The following SLC35E3 variants were observed in gnomAD, a reference collection of about 807,000 sequenced individuals.
SLC35E3 encodes the protein solute carrier family 35 member E3.
SLC35E3 carries 28 observed loss-of-function variants against 30.8 expected under a neutral mutation model. The observed-to-expected ratio is 0.91, with a 90% confidence interval of 0.67 to 1.25. SLC35E3 has a LOEUF of 1.25. Ranked by LOEUF, SLC35E3 falls within the 50% of genes most tolerant of loss-of-function variation. SLC35E3 has a pLI of 0.00. For synonymous variants in SLC35E3, 146 were observed against 149.2 expected (o/e 0.98, Z 0.16); for missense variants, 365 against 375.4 (o/e 0.97, Z 0.23).
chr12:68,770,836 C>T lies in SLC35E3; in HGVS notation c.*5946C>T, dbSNP rs1446996718. 6.6e-6 allele frequency: 1 copy of T among 152,356 alleles called. No homozygotes were observed. Among genetic ancestry groups the T allele is most frequent in the African/African-American group, 2.5e-5 (1 of 40,640 alleles). The allele number at this position is 152,356 out of a possible 1,614,324, so 9.4% of individuals were successfully genotyped here. A position where few individuals can be genotyped will look rare whatever the true frequency, so the allele number is the denominator to read the frequency against. On this transcript the variant is annotated 3_prime_UTR_variant, in exon 5 of 5. Coordinates refer to ENST00000398004, the MANE Select transcript of SLC35E3 (RefSeq NM_018656.5). ...GTGACAGAGTGAGTCCCTGTCTCAA[C>T]AACAACAAAAAATCACACATGTCTG...
intron 2 of SLC35E3, 109 bp from the exon 3 acceptor site, chr12:68,751,923 C>A: frequency 9.7e-7 from 1 of 1,026,576 alleles, no homozygotes; most frequent in South Asian, 1.9e-5. Context: ...ATTTTATCTT[C>A]CCCTAGTCTA....
intron 1 of SLC35E3, 131 bp downstream of exon 1, chr12:68,746,910 A>G: frequency 9.7e-7 from 1 of 1,030,840 alleles, no homozygotes; most frequent in Non-Finnish European, 1.4e-6. Flanking sequence ...TGGGCATGTG[A>G]ACTTTTAGGC....
chr12:68,751,547 G>A, intron 2 of SLC35E3, among the ~76,000 whole-genome samples: 1 of 152,110 alleles, frequency 6.6e-6, no homozygotes, highest in South Asian at 2.1e-4. Flanking sequence ...GCCTGCCTTG[G>A]CCTCCCAAAG....
intron 4 of SLC35E3, 28 bp from the exon 5 acceptor site, chr12:68,764,676 C>T: frequency 2.5e-6 from 4 of 1,602,562 alleles, no homozygotes; most frequent in Non-Finnish European, 3.4e-6. Flanking sequence ...TCTTGTTATT[C>T]CTTTTTATCC....
chr12:68,761,862 G>A (rs1181167216), intron 4 of SLC35E3, among the ~76,000 whole-genome samples: 1 of 152,146 alleles, frequency 6.6e-6, no homozygotes, highest in Non-Finnish European at 1.5e-5. Context: ...TTTTTGACCT[G>A]AGCACCTGGT....
intron 3 of SLC35E3, among the ~76,000 whole-genome samples, chr12:68,758,951 G>A (rs933877430): frequency 1.3e-5 from 2 of 151,634 alleles, no homozygotes; most frequent in African/African-American, 4.8e-5. Flanking sequence ...CCATGGTCTC[G>A]ATCTCCTGAC....
In SLC35E3 at chr12:68,752,242, C is replaced by T. The variant is rs1234564082; in HGVS notation, c.672+52C>T. The T allele has an allele frequency of 3.4e-6, 5 of 1,457,544 alleles. No homozygotes were observed. In the East Asian group the frequency reaches 9.3e-5, roughly 27 times the overall value. The allele number at this position is 1,457,544 out of a possible 1,614,324, so 90.3% of individuals were successfully genotyped here. On this transcript the variant is annotated intron_variant, in intron 3 of 4. Coordinates refer to ENST00000398004, the MANE Select transcript of SLC35E3 (RefSeq NM_018656.5). Reference sequence around the variant, plus strand: ...AGAAACAGTATAATAATAACTCCTCCATTATTAATGTAATTTTTAGTTTTC... The same window carrying T: ...AGAAACAGTATAATAATAACTCCTCTATTATTAATGTAATTTTTAGTTTTC...
rs1417721294 is a variant in SLC35E3 at position 68,774,307 on chromosome 12, TA to T, written c.*9418del. The T allele has an allele frequency of 1.3e-5, 2 of 151,966 alleles. No individual in the cohort carries two copies. The highest frequency in any genetic ancestry group is 4.8e-5 in the African/African-American group (2 of 41,326). The allele number at this position is 151,966 out of a possible 1,614,324, so 9.4% of individuals were successfully genotyped here. ...TAAAAATTAGTCAGGTGGCCAGGCG[TA>T]GTGGTTCACACCTGCAATCTCAGCA... On this transcript the variant is annotated 3_prime_UTR_variant, in exon 5 of 5. Transcript: ENST00000398004.
Position 68,777,505 on chromosome 12 carries a change from G to A in SLC35E3, c.*12615G>A, listed in dbSNP as rs187922010. The A allele has an allele frequency of 1.3e-5, 2 of 152,280 alleles. No individual in the cohort carries two copies. Among genetic ancestry groups the A allele is most frequent in the East Asian group, 3.9e-4 (2 of 5,182 alleles). The allele number at this position is 152,280 out of a possible 1,614,324, so 9.4% of individuals were successfully genotyped here. A position where few individuals can be genotyped will look rare whatever the true frequency, so the allele number is the denominator to read the frequency against. ...CTCCTCTCCCCACACTGCACTGTGT[G>A]GCCCCAGAGAGGAAAGACAAGGGCT... On this transcript the variant is annotated 3_prime_UTR_variant, in exon 5 of 5. Transcript: ENST00000398004.
chr12:68,778,849 A>G lies in SLC35E3; in HGVS notation c.*13959A>G, dbSNP rs1190116009. On this transcript the variant is annotated 3_prime_UTR_variant, in exon 5 of 5. Coordinates refer to ENST00000398004, the MANE Select transcript of SLC35E3 (RefSeq NM_018656.5). ...GCTGGATGCAGTGGCTCACGCCTGTAATCCCAGCACTTTGGGAGGCCAAGG... is the reference window on the plus strand; with the variant it reads ...GCTGGATGCAGTGGCTCACGCCTGTGATCCCAGCACTTTGGGAGGCCAAGG... 1 of 152,230 alleles carries G rather than the reference A, an allele frequency of 6.6e-6. No homozygotes were observed. Among genetic ancestry groups the G allele is most frequent in the Non-Finnish European group, 1.5e-5 (1 of 68,144 alleles). 9.4% of individuals were successfully genotyped at this position (152,230 alleles called of 1,614,324 possible). A position where few individuals can be genotyped will look rare whatever the true frequency, so the allele number is the denominator to read the frequency against.
Position 68,764,719 on chromosome 12 carries a change from A to G in SLC35E3, c.771A>G (p.Gly257=). The change falls in exon 5 of 5, where the codon GGA becomes GGG. Residue 257 remains glycine, a synonymous_variant. Transcript: ENST00000398004. ...NTSPVTYNMF[G]HFKFCITLFG... ...AAAACCTCAGCTATAACATGTTCGG[A>G]CACTTCAAGTTCTGCATTACTTTAT... is the stretch of plus-strand genomic sequence containing the variant. 1.2e-6 allele frequency: 2 copies of G among 1,613,838 alleles called. No individual in the cohort carries two copies. The highest frequency in any genetic ancestry group is 1.1e-5 in the South Asian group (1 of 91,010).
At position 68,766,228 on chromosome 12, in the gene SLC35E3, T is replaced by TACA. The variant is rs2136081088; in HGVS notation, c.*1338_*1339insACA. ...GCAGCCAATCTCAGTGGCTCACACC[T>TACA]GTAATCCCAGCACTTTGGAAGGTTG... On this transcript the variant is annotated 3_prime_UTR_variant, in exon 5 of 5. Transcript: ENST00000398004. The TACA allele has an allele frequency of 6.6e-6, 1 of 152,226 alleles. No homozygotes were observed. Among genetic ancestry groups the TACA allele is most frequent in the African/African-American group, 2.4e-5 (1 of 41,546 alleles). The allele number at this position is 152,226 out of a possible 1,614,324, so 9.4% of individuals were successfully genotyped here. A position where few individuals can be genotyped will look rare whatever the true frequency, so the allele number is the denominator to read the frequency against.
chr12:68,764,959 T>A lies in SLC35E3; in HGVS notation c.*69T>A. Reference sequence around the variant, plus strand: ...AAATATTGTTAAGTGTGCAAGTTATTAAAAAAAAAAAATTGGGCCAGGCAC... The same window carrying A: ...AAATATTGTTAAGTGTGCAAGTTATAAAAAAAAAAAAATTGGGCCAGGCAC... On this transcript the variant is annotated 3_prime_UTR_variant, in exon 5 of 5. Transcript: ENST00000398004. 2.5e-6 allele frequency: 3 copies of A among 1,182,166 alleles called. No homozygotes were observed. The highest frequency in any genetic ancestry group is 2.6e-5 in the Admixed American group (1 of 39,062). The allele number at this position is 1,182,166 out of a possible 1,614,324, so 73.2% of individuals were successfully genotyped here. A position where few individuals can be genotyped will look rare whatever the true frequency, so the allele number is the denominator to read the frequency against.
rs1879794354 is a variant in SLC35E3 at position 68,778,215 on chromosome 12, T to A, written c.*13325T>A. 9.2e-5 allele frequency: 14 copies of A among 152,176 alleles called. No individual in the cohort carries two copies. The highest frequency in any genetic ancestry group is 9.2e-4 in the Admixed American group (14 of 15,260). 9.4% of individuals were successfully genotyped at this position (152,176 alleles called of 1,614,324 possible). Reference sequence around the variant, plus strand: ...AAAAGTGTTAATAGGATCAAGATTTTTTTTTTTAAAGAACAATCCACCACA... The same window carrying A: ...AAAAGTGTTAATAGGATCAAGATTTATTTTTTTAAAGAACAATCCACCACA... On this transcript the variant is annotated 3_prime_UTR_variant, in exon 5 of 5. Coordinates refer to ENST00000398004, the MANE Select transcript of SLC35E3 (RefSeq NM_018656.5).
At chr12:68,749,335 A>C (rs967200328) in intron 2 of SLC35E3, among the ~76,000 whole-genome samples, 4 of 152,170 alleles carry the variant, frequency 2.6e-5, no homozygotes, top group African/African-American at 9.7e-5. Flanking sequence ...CTCTTAAAGA[A>C]AGTTGTATCT....
intron 4 of SLC35E3, among the ~76,000 whole-genome samples, chr12:68,763,420 G>A (rs562211463): frequency 2.8e-4 from 42 of 151,372 alleles, no homozygotes; most frequent in South Asian, 6.3e-4. Context: ...ATGGAGTTTC[G>A]CTCTTGTTGC....
In SLC35E3 at chr12:68,769,815, G is replaced by A. The variant is rs943066069; in HGVS notation, c.*4925G>A. The A allele has an allele frequency of 1.3e-5, 2 of 152,176 alleles. No homozygotes were observed. The highest frequency in any genetic ancestry group is 1.5e-5 in the Non-Finnish European group (1 of 68,042). 9.4% of individuals were successfully genotyped at this position (152,176 alleles called of 1,614,324 possible). ...AAAATTTATTGAGCATATACTGTGT[G>A]CCAGGTACTGTCCTAGGCATTATGG... On this transcript the variant is annotated 3_prime_UTR_variant, in exon 5 of 5. Transcript: ENST00000398004.
chr12:68,760,008 G>T (rs994602357), intron 4 of SLC35E3: 1 of 152,182 alleles, frequency 6.6e-6, no homozygotes, highest in Non-Finnish European at 1.5e-5. Flanking sequence ...TTTGGATATG[G>T]GTGTGCCTGT....
chr12:68,770,839 C>T lies in SLC35E3; in HGVS notation c.*5949C>T, dbSNP rs1285555394. 1.3e-5 allele frequency: 2 copies of T among 153,354 alleles called. No individual in the cohort carries two copies. Among genetic ancestry groups the T allele is most frequent in the Non-Finnish European group, 2.9e-5 (2 of 69,542 alleles). 9.5% of individuals were successfully genotyped at this position (153,354 alleles called of 1,614,324 possible). ...ACAGAGTGAGTCCCTGTCTCAACAA[C>T]AACAAAAAATCACACATGTCTGATT... On this transcript the variant is annotated 3_prime_UTR_variant, in exon 5 of 5. Coordinates refer to ENST00000398004, the MANE Select transcript of SLC35E3 (RefSeq NM_018656.5).
Sources: gnomAD v4.1 joint callset for allele counts (sites outside exome capture counted in the v4.1 genomes callset) on GRCh38, gnomAD v4.1.1 for gene constraint, MANE v1.5 for transcripts, NCBI Gene and HGNC (gene_info 2026-07-23, HGNC 2026-07-21) for gene names.